Variants in MIPOL1 observed in about 807,000 individuals in gnomAD.
MIPOL1 encodes mirror-image polydactyly gene 1 protein.
In MIPOL1, 57 loss-of-function variants were observed where a neutral mutation model predicts 60.9. The observed-to-expected ratio is 0.94, with a 90% CI of 0.76 to 1.17. The LOEUF (loss-of-function observed/expected upper bound fraction) is 1.17. MIPOL1 is among the 50% of genes most tolerant of loss of function. MIPOL1 has a pLI of 0.00. For synonymous variants in MIPOL1, 179 were observed against 168.8 expected (o/e 1.06, Z -0.47); for missense variants, 551 against 511.6 (o/e 1.08, Z -0.74).
intron 1 of MIPOL1, among the ~76,000 whole-genome samples, chr14:37,225,140 A>G (rs1969492083): frequency 1.3e-5 from 2 of 152,166 alleles, no homozygotes; most frequent in Admixed American, 6.5e-5. Flanking sequence ...CCTCCCTCCC[A>G]GCTGCTTTCA....
intron 11 of MIPOL1, among the ~76,000 whole-genome samples, chr14:37,498,580 A>C (rs2095168213): frequency 6.6e-6 from 1 of 152,158 alleles, no homozygotes; most frequent in Non-Finnish European, 1.5e-5. Context: ...GAAGAAATGA[A>C]GTAGGGATAG....
chr14:37,317,755 T>A (rs2899856), intron 9 of MIPOL1, among the ~76,000 whole-genome samples: 1 of 152,110 alleles, frequency 6.6e-6, no homozygotes, highest in Admixed American at 6.6e-5. Context: ...ATTTCGAATA[T>A]AGCAATTATT....
At chr14:37,396,665 A>C (rs1217344614) in intron 10 of MIPOL1, among the ~76,000 whole-genome samples, 1 of 151,876 alleles carries the variant, frequency 6.6e-6, no homozygotes, top group African/African-American at 2.4e-5. Flanking sequence ...GGCTTTGTTC[A>C]TATTTTCTTA....
intron 10 of MIPOL1, among the ~76,000 whole-genome samples, chr14:37,405,258 T>A (rs908869431): frequency 2.0e-5 from 3 of 152,158 alleles, no homozygotes; most frequent in African/African-American, 7.2e-5. Flanking sequence ...GGATTCTTTT[T>A]TCTTATGCTT....
chr14:37,316,482 A>C (rs1567434689), intron 9 of MIPOL1, among the ~76,000 whole-genome samples: 1 of 152,088 alleles, frequency 6.6e-6, no homozygotes, highest in Admixed American at 6.6e-5. Flanking sequence ...TTTGAGGAGA[A>C]AATGGAAATA....
At chr14:37,448,951 C>T (rs894086007) in intron 11 of MIPOL1, among the ~76,000 whole-genome samples, 4 of 152,028 alleles carry the variant, frequency 2.6e-5, no homozygotes, top group Non-Finnish European at 5.9e-5. Context: ...AGTTTAAGTT[C>T]TTCAGGTATT....
chr14:37,281,201 A>G (rs2084078160), intron 6 of MIPOL1, among the ~76,000 whole-genome samples: 1 of 152,118 alleles, frequency 6.6e-6, no homozygotes, highest in Admixed American at 6.6e-5. Flanking sequence ...GGATGAGATG[A>G]TGCCTATTTT....
chr14:37,203,147 T>G (rs369244244), intron 1 of MIPOL1, among the ~76,000 whole-genome samples: 1 of 152,328 alleles, frequency 6.6e-6, no homozygotes, highest in Non-Finnish European at 1.5e-5. Flanking sequence ...ATTGAATTTA[T>G]TAGATTTTGA....
intron 1 of MIPOL1, among the ~76,000 whole-genome samples, chr14:37,205,306 GT>G (rs1566978796): frequency 6.6e-6 from 1 of 151,922 alleles, no homozygotes; most frequent in Admixed American, 6.6e-5. Context: ...ATTTCATCAT[GT>G]TGGCCAGGCT....
At chr14:37,372,029 A>G (rs961259564) in intron 10 of MIPOL1, among the ~76,000 whole-genome samples, 1 of 152,114 alleles carries the variant, frequency 6.6e-6, no homozygotes, top group African/African-American at 2.4e-5. Context: ...AACTCTTTAA[A>G]AACGATTCAC....
intron 10 of MIPOL1, among the ~76,000 whole-genome samples, chr14:37,402,732 A>T (rs2093508825): frequency 6.6e-6 from 1 of 152,212 alleles, no homozygotes; most frequent in Non-Finnish European, 1.5e-5. Context: ...TAGCAATCAG[A>T]TGTTCATTAT....
At chr14:37,524,577 T>G (rs565552588) in intron 12 of MIPOL1, among the ~76,000 whole-genome samples, 1 of 141,366 alleles carries the variant, frequency 7.1e-6, no homozygotes, top group South Asian at 2.3e-4. Flanking sequence ...TTTCTTTTTT[T>G]TTTTTTTTGA....
chr14:37,527,204 T>C (rs2095453364), intron 12 of MIPOL1, among the ~76,000 whole-genome samples: 1 of 152,054 alleles, frequency 6.6e-6, no homozygotes, highest in South Asian at 2.1e-4. Flanking sequence ...TTTTTCCTGT[T>C]TGAAATTTTG....
At chr14:37,293,008 T>A (rs754036852) in intron 7 of MIPOL1, among the ~76,000 whole-genome samples, 1 of 152,208 alleles carries the variant, frequency 6.6e-6, no homozygotes, top group East Asian at 1.9e-4. Flanking sequence ...GGCCTCTCTA[T>A]ACGTATCCTA....
chr14:37,264,231 A>T (rs1221774049), intron 3 of MIPOL1, among the ~76,000 whole-genome samples: 1 of 152,124 alleles, frequency 6.6e-6, no homozygotes, highest in South Asian at 2.1e-4. Context: ...AGGTAAAGAA[A>T]ATTAGGCAAA....
chr14:37,202,579 G>A lies in MIPOL1; in HGVS notation c.-199+4475G>A, dbSNP rs546997196. On this transcript the variant is annotated intron_variant, in intron 1 of 12. Coordinates refer to ENST00000684589, the MANE Select transcript of MIPOL1 (RefSeq NM_001388067.1). The stretch of plus-strand genomic sequence containing the variant: ...CAGTAGGAGGGATTCTCAGACAAGG[G>A]AGTCCCCTCCCTCCAGGGCTTCAGA... Among the ~76,000 whole-genome samples the A allele has an allele frequency of 2.6e-5, 4 of 152,180 alleles. No homozygotes were observed. In the South Asian group the frequency reaches 8.3e-4, roughly 32 times the overall value.
At chr14:37,216,437 A>G (rs1967724111) in intron 1 of MIPOL1, among the ~76,000 whole-genome samples, 1 of 152,224 alleles carries the variant, frequency 6.6e-6, no homozygotes, top group Non-Finnish European at 1.5e-5. Context: ...AAATTGACCT[A>G]ATAGATAGTT....
chr14:37,223,571 C>T (rs141587772), intron 1 of MIPOL1, among the ~76,000 whole-genome samples: 7,442 of 151,890 alleles, frequency 0.049, 624 homozygotes, highest in African/African-American at 0.17. Flanking sequence ...GGCGCGATCT[C>T]GGCTCACTGC....
chr14:37,281,400 T>A (rs2084092693), intron 6 of MIPOL1, among the ~76,000 whole-genome samples: 1 of 152,102 alleles, frequency 6.6e-6, no homozygotes, highest in African/African-American at 2.4e-5. Context: ...GTTTTTTTGT[T>A]GTTTTGTTTG....
Sources: gnomAD v4.1 joint callset for allele counts (sites outside exome capture counted in the v4.1 genomes callset) on GRCh38, gnomAD v4.1.1 for gene constraint, MANE v1.5 for transcripts, NCBI Gene and HGNC (gene_info 2026-07-23, HGNC 2026-07-21) for gene names.